TUBGCP2: variants seen among roughly 807,000 people sequenced by gnomAD.
The protein encoded by TUBGCP2 is gamma-tubulin complex component 2.
In TUBGCP2, 55 loss-of-function variants were observed where a neutral mutation model predicts 92.2. That is an observed-to-expected ratio of 0.60 (90% CI 0.48 to 0.75). The LOEUF (loss-of-function observed/expected upper bound fraction) is 0.75, where lower values mean the gene tolerates loss of function less well. Ranked by LOEUF, TUBGCP2 falls within the 30% of genes least tolerant of loss-of-function variation. The probability of loss-of-function intolerance (pLI) is 0.00; values close to 1 mark genes in which losing one functional copy is unlikely to be tolerated. For synonymous variants in TUBGCP2, 533 were observed against 505.2 expected, an observed-to-expected ratio of 1.06 and a Z score of -0.74; for missense variants, 1,093 against 1,188.9, an observed-to-expected ratio of 0.92 and a Z score of 1.19.
intron 4 of TUBGCP2, among the ~76,000 whole-genome samples, chr10:133,298,636 T>G (rs934102508): frequency 2.0e-5 from 3 of 152,258 alleles, no homozygotes. Flanking sequence ...CAGAGGCTGA[T>G]GGGGTCGGCC....
chr10:133,302,608 G>A (rs1847697601), intron 2 of TUBGCP2, 184 bp downstream of exon 2: 5 of 660,920 alleles, frequency 7.6e-6, no homozygotes, highest in South Asian at 3.8e-5. Flanking sequence ...TGTTCATCCT[G>A]CACCCTGACC....
rs994514620 is a variant in TUBGCP2, at chr10:133,284,111, G to A, written c.2025-109C>T. 3.3e-6 allele frequency: 5 copies of A among 1,506,504 alleles called. No homozygotes were observed. The African/African-American group carries it at 7.0e-5, about 21-fold the overall frequency. The allele number at this position is 1,506,504 out of a possible 1,614,324, so 93.3% of individuals were successfully genotyped here. On this transcript the variant is annotated intron_variant, in intron 13 of 17. Coordinates refer to ENST00000252936, the MANE Select transcript of TUBGCP2 (RefSeq NM_006659.4). ...GCCATGGAGGACGTTCTCTGGACGT[G>A]GCTATTTCCTCTGCAGAGCAAGCGC...
intron 2 of TUBGCP2, among the ~76,000 whole-genome samples, chr10:133,301,497 T>C (rs1236611151): frequency 2.0e-5 from 3 of 152,190 alleles, no homozygotes; most frequent in African/African-American, 7.2e-5. Flanking sequence ...CCCAAGTCTC[T>C]ATTCCACTCG....
At chr10:133,290,752 A>G (rs1847265273) in intron 8 of TUBGCP2, 1 of 152,230 alleles carries the variant, frequency 6.6e-6, no homozygotes, top group Non-Finnish European at 1.5e-5. Flanking sequence ...GGCGGGGCCA[A>G]CATTGACAGA....
rs1256309727 is a variant in TUBGCP2 at position 133,301,757 on chromosome 10, G to C, written c.150+1035C>G. On this transcript the variant is annotated intron_variant, in intron 2 of 17. Transcript: ENST00000252936. ...AGACAGAGTCTCACTCTGACGCCCAGGCTGGAATGCAGTGGCACGATATCT... is the reference window on the plus strand; with the variant it reads ...AGACAGAGTCTCACTCTGACGCCCACGCTGGAATGCAGTGGCACGATATCT... 13 of 113,900 alleles carry C rather than the reference G, an allele frequency of 1.1e-4. No individual in the cohort carries two copies. The Admixed American group carries it at 1.4e-3, about 12-fold the overall frequency. The allele number at this position is 113,900 out of a possible 1,614,324, so 7.1% of individuals were successfully genotyped here. A position where few individuals can be genotyped will look rare whatever the true frequency, so the allele number is the denominator to read the frequency against.
chr10:133,282,152 G>A (rs1023446984), intron 16 of TUBGCP2, 71 bp downstream of exon 16: 32 of 1,604,340 alleles, frequency 2.0e-5, no homozygotes, highest in East Asian at 1.3e-4. Context: ...TTCTCCCTGC[G>A]TCAGGATGCC....
Position 133,283,881 on chromosome 10 carries a change from C to T in TUBGCP2, c.2145+1G>A, listed in dbSNP as rs765286581. 5.0e-6 allele frequency: 8 copies of T among 1,613,712 alleles called. No homozygotes were observed. Among genetic ancestry groups the T allele is most frequent in the South Asian group, 2.2e-5 (2 of 91,044 alleles). On this transcript the variant is annotated splice_donor_variant, in intron 14 of 17. Coordinates refer to ENST00000252936, the MANE Select transcript of TUBGCP2 (RefSeq NM_006659.4). LOFTEE classifies it high-confidence loss of function. ...TTATTATCTGTGGAGCTAAAACTCA[C>T]GGATTTCAGGTTTTTCTCCAGGATG...
At chr10:133,294,445 G>A (rs998019887) in intron 5 of TUBGCP2, among the ~76,000 whole-genome samples, 10 of 152,186 alleles carry the variant, frequency 6.6e-5, no homozygotes, top group African/African-American at 1.7e-4. Flanking sequence ...GGCAGCTCAG[G>A]AAGGCTCCGT....
In TUBGCP2 at chr10:133,285,450, C is replaced by G; in HGVS notation, c.1895+6G>C. The G allele has an allele frequency of 6.2e-7, 1 of 1,613,366 alleles. No homozygotes were observed. Among genetic ancestry groups the G allele is most frequent in the Non-Finnish European group, 8.5e-7 (1 of 1,179,908 alleles). On this transcript the variant is annotated splice_donor_region_variant and intron_variant, in intron 12 of 17. Transcript: ENST00000252936. The surrounding 1 kb of genome is among the most constrained non-coding windows in gnomAD (Gnocchi z 6.8). The stretch of plus-strand genomic sequence containing the variant: ...TCTGGCAGGTGCCCGAGCAGCCGAC[C>G]CGCACCTGTTGATGATGAGCGAAAG...
intron 2 of TUBGCP2, 126 bp from the exon 3 acceptor site, chr10:133,300,239 T>C: frequency 1.7e-6 from 2 of 1,161,862 alleles, no homozygotes; most frequent in East Asian, 2.5e-5. Context: ...TAATTATCCC[T>C]CTGAAATAAA....
rs1846882874 is a variant in TUBGCP2, at chr10:133,278,694, G to A, written c.*1072C>T. 6.6e-6 allele frequency: 1 copy of A among 152,440 alleles called. No individual in the cohort carries two copies. The highest frequency in any genetic ancestry group is 2.4e-5 in the African/African-American group (1 of 41,474). 9.4% of individuals were successfully genotyped at this position (152,440 alleles called of 1,614,324 possible). ...TGCACAGCCTGCAGACAAGGAGGAA[G>A]CGGTTTGTGGCTGGAGAGTTGGACA... On this transcript the variant is annotated 3_prime_UTR_variant, in exon 18 of 18. Transcript: ENST00000252936.
chr10:133,291,188 G>C (rs1395843478), intron 8 of TUBGCP2, among the ~76,000 whole-genome samples: 1 of 152,048 alleles, frequency 6.6e-6, no homozygotes, highest in Non-Finnish European at 1.5e-5. Flanking sequence ...GTGCTTTCCT[G>C]AGACCACAAG....
upstream of TUBGCP2, chr10:133,310,514 T>C: frequency 1.7e-6 from 1 of 574,724 alleles, no homozygotes; most frequent in Non-Finnish European, 3.1e-6. Flanking sequence ...CCCAGCTCTG[T>C]GCCGGTGGAG....
At position 133,283,866 on chromosome 10, in the gene TUBGCP2, TG is replaced by T; in HGVS notation, c.2145+15del. On this transcript the variant is annotated intron_variant, in intron 14 of 17. Transcript: ENST00000252936. ...AGTGGCTTTCAAACGTTATTATCTG[TG>T]GAGCTAAAACTCACGGATTTCAGGT... 6.2e-7 allele frequency: 1 copy of T among 1,613,140 alleles called. No homozygotes were observed. Among genetic ancestry groups the T allele is most frequent in the Non-Finnish European group, 8.5e-7 (1 of 1,179,452 alleles).
upstream of TUBGCP2, chr10:133,312,184 C>G: frequency 7.1e-7 from 1 of 1,411,452 alleles, no homozygotes; most frequent in Middle Eastern, 2.6e-4. Flanking sequence ...GTCTGCGTTT[C>G]TAGCGTCACC....
upstream of TUBGCP2, chr10:133,309,496 C>T (rs997050056): frequency 5.0e-5 from 80 of 1,599,336 alleles, no homozygotes; most frequent in East Asian, 6.8e-5. Flanking sequence ...GCCAGTGCTA[C>T]TCCTGCGCCG....
chr10:133,281,070 C>T (rs1243864598), intron 17 of TUBGCP2, among the ~76,000 whole-genome samples: 83 of 117,604 alleles, frequency 7.1e-4, no homozygotes, highest in Non-Finnish European at 1.3e-3. Flanking sequence ...CGGGGCAGCA[C>T]TGGGCCAGGG....
chr10:133,302,546 G>A, intron 2 of TUBGCP2: 1 of 487,806 alleles, frequency 2.0e-6, no homozygotes, highest in Non-Finnish European at 3.7e-6. Flanking sequence ...CGCTCATCCT[G>A]CACATGGACT....
At position 133,293,154 on chromosome 10, in the gene TUBGCP2, G is replaced by A. The variant is rs576273775; in HGVS notation, c.909C>T (p.His303=). The part of the protein sequence containing the change: ...AAAMRTLVKE[H]LILVSQLEQL... ...GCTCCAGCTGTGACACCAGAATCAG[G>A]TGCTCCTTCACCAGGGTGCGCATGG... is the stretch of plus-strand genomic sequence containing the variant. Residue 303 remains histidine, a synonymous_variant, in exon 7 of 18, where the codon CAC becomes CAT. Coordinates refer to ENST00000252936, the MANE Select transcript of TUBGCP2 (RefSeq NM_006659.4). 13 of 1,613,948 alleles carry A rather than the reference G, an allele frequency of 8.1e-6. No individual in the cohort carries two copies. The South Asian group carries it at 9.9e-5, about 12-fold the overall frequency.
Sources: allele counts gnomAD v4.1 joint callset (sites outside exome capture counted in the v4.1 genomes callset), GRCh38; gene constraint gnomAD v4.1.1; non-coding constraint Gnocchi (gnomAD v3.1); transcripts MANE v1.5; gene names NCBI Gene and HGNC (gene_info 2026-07-23, HGNC 2026-07-21).